Variants in ABLIM2 observed in about 807,000 individuals in gnomAD.
The protein encoded by ABLIM2 is actin-binding LIM protein 2.
ABLIM2 carries 53 observed loss-of-function variants against 97.7 expected under a neutral mutation model. The ratio of observed to expected loss-of-function variants is 0.54; its 90% CI spans 0.44 to 0.68. ABLIM2 has a LOEUF of 0.68. ABLIM2 is among the 30% of genes least tolerant of loss of function. The pLI is 0.00. For synonymous variants in ABLIM2, 361 were observed against 345.8 expected, an observed-to-expected ratio of 1.04 and a Z score of -0.49; for missense variants, 835 against 867.2, an observed-to-expected ratio of 0.96 and a Z score of 0.47.
At chr4:8,151,524 C>T (rs1712760686) in intron 1 of ABLIM2, among the ~76,000 whole-genome samples, 1 of 152,174 alleles carries the variant, frequency 6.6e-6, no homozygotes, top group Non-Finnish European at 1.5e-5. Flanking sequence ...GCGTGAGGCC[C>T]AAGTACTGCT....
chr4:7,997,174 C>T (rs1038780011), intron 16 of ABLIM2, among the ~76,000 whole-genome samples: 11 of 152,138 alleles, frequency 7.2e-5, no homozygotes, highest in African/African-American at 2.4e-4. Flanking sequence ...CAGGTTCAAG[C>T]GATTCTCCTG....
rs1753279413 is a variant in ABLIM2, at chr4:7,996,363, C to T, written c.1619-3436G>A. Among the ~76,000 whole-genome samples the T allele has an allele frequency of 1.3e-5, 2 of 152,230 alleles. No homozygotes were observed. Among genetic ancestry groups the T allele is most frequent in the African/African-American group, 4.8e-5 (2 of 41,466 alleles). Reference sequence around the variant, plus strand: ...CCCCTCTTAAGCCCGAAGGCCTCTACCTGCCTGCCCCTGGAGTCACCTGGA... The same window carrying T: ...CCCCTCTTAAGCCCGAAGGCCTCTATCTGCCTGCCCCTGGAGTCACCTGGA... On this transcript the variant is annotated intron_variant, in intron 16 of 20. Transcript: ENST00000447017. The surrounding 1 kb of genome is among the most constrained non-coding windows in gnomAD (Gnocchi z 4.5).
chr4:8,115,854 C>T (rs1030483701), intron 1 of ABLIM2, among the ~76,000 whole-genome samples: 1 of 152,248 alleles, frequency 6.6e-6, no homozygotes, highest in Non-Finnish European at 1.5e-5. Context: ...CAAGTACCCC[C>T]AGCTTCTGCC....
chr4:8,005,262 G>A lies in ABLIM2; in HGVS notation c.1618+2797C>T, dbSNP rs774038788. The stretch of plus-strand genomic sequence containing the variant: ...CTTCTCCAGGTCAGGGGCTGCTCTT[G>A]TCTTCTCTGTCCCCCTCGGCGCCCC... On this transcript the variant is annotated intron_variant, in intron 16 of 20. Transcript: ENST00000447017. This position sits in a 1 kb window ranked among gnomAD's most constrained non-coding sequence, Gnocchi z 4.9. 24 of 517,834 alleles carry A rather than the reference G, an allele frequency of 4.6e-5. No homozygotes were observed. The highest frequency in any genetic ancestry group is 8.8e-5 in the Non-Finnish European group (22 of 248,774). The allele number at this position is 517,834 out of a possible 1,614,324, so 32.1% of individuals were successfully genotyped here. A position where few individuals can be genotyped will look rare whatever the true frequency, so the allele number is the denominator to read the frequency against.
At position 8,112,381 on chromosome 4, in the gene ABLIM2, AG is replaced by A. The variant is rs1348602345; in HGVS notation, c.11-5745del. On this transcript the variant is annotated intron_variant, in intron 1 of 20. Coordinates refer to ENST00000447017, the MANE Select transcript of ABLIM2 (RefSeq NM_001130083.2). This position sits in a 1 kb window ranked among gnomAD's most constrained non-coding sequence, Gnocchi z 4.2. ...GCCTCAGTTTTCACATCTGTAAATCAGGGCTTGATCTTAGGAGGATGTTTTA... is the reference window on the plus strand; with the variant it reads ...GCCTCAGTTTTCACATCTGTAAATCAGGCTTGATCTTAGGAGGATGTTTTA... Among the ~76,000 whole-genome samples, 1 of 152,242 alleles carries A rather than the reference AG, an allele frequency of 6.6e-6. No homozygotes were observed. The highest frequency in any genetic ancestry group is 1.5e-5 in the Non-Finnish European group (1 of 68,044).
chr4:7,984,784 T>A, intron 18 of ABLIM2, 55 bp downstream of exon 18: 1 of 1,510,832 alleles, frequency 6.6e-7, no homozygotes, highest in Non-Finnish European at 8.9e-7. Context: ...TCTTGTGGAA[T>A]GTGTTAGCGA....
intron 20 of ABLIM2, among the ~76,000 whole-genome samples, chr4:7,967,436 T>G (rs1453658513): frequency 6.6e-6 from 1 of 152,186 alleles, no homozygotes; most frequent in Non-Finnish European, 1.5e-5. Flanking sequence ...TGCAAATGTC[T>G]GAGCTTTTAT....
chr4:8,024,393 G>A (rs530680617), intron 12 of ABLIM2, among the ~76,000 whole-genome samples: 2 of 152,134 alleles, frequency 1.3e-5, no homozygotes, highest in Non-Finnish European at 2.9e-5. Flanking sequence ...CGGGGGTGAG[G>A]CCCTGCCAGC....
rs139004857 is a variant in ABLIM2 at position 8,112,077 on chromosome 4, C to T, written c.11-5440G>A. Among the ~76,000 whole-genome samples, 1,110 of 152,332 alleles carry T rather than the reference C, an allele frequency of 7.3e-3. 32 individuals are homozygous for T. The highest frequency in any genetic ancestry group is 0.042 in the Admixed American group (644 of 15,302). On this transcript the variant is annotated intron_variant, in intron 1 of 20. Coordinates refer to ENST00000447017, the MANE Select transcript of ABLIM2 (RefSeq NM_001130083.2). The surrounding 1 kb of genome is among the most constrained non-coding windows in gnomAD (Gnocchi z 4.2). ...GAACATAAACTCAAGTGCTAAGAAT[C>T]TATCACACAGGGGCTGAGAGTATTT... is the stretch of plus-strand genomic sequence containing the variant.
At chr4:8,098,834 C>T (rs1417926286) in intron 2 of ABLIM2, among the ~76,000 whole-genome samples, 6 of 152,304 alleles carry the variant, frequency 3.9e-5, no homozygotes, top group Admixed American at 6.5e-5. Context: ...GGCTCAGTGT[C>T]GAGGCCCTGG....
chr4:8,157,946 A>G (rs1327136374), intron 1 of ABLIM2, among the ~76,000 whole-genome samples: 1 of 152,256 alleles, frequency 6.6e-6, no homozygotes. Context: ...GGCCGCCTCC[A>G]GGGCTCACCG....
Position 8,124,494 on chromosome 4 carries a change from C to T in ABLIM2, c.11-17857G>A, listed in dbSNP as rs915336571. ...GCCTGCTCTGGGCATTTCATGCGAA[C>T]GGAATCCCACACTGCGTGGTCCTTC... is the stretch of plus-strand genomic sequence containing the variant. On this transcript the variant is annotated intron_variant, in intron 1 of 20. Coordinates refer to ENST00000447017, the MANE Select transcript of ABLIM2 (RefSeq NM_001130083.2). The surrounding 1 kb of genome is among the most constrained non-coding windows in gnomAD (Gnocchi z 6.1). Among the ~76,000 whole-genome samples the T allele has an allele frequency of 4.6e-5, 7 of 152,098 alleles. No homozygotes were observed. The highest frequency in any genetic ancestry group is 8.8e-5 in the Non-Finnish European group (6 of 68,016).
rs1812120231 is a variant in ABLIM2, at chr4:8,071,590, G to C, written c.675+6038C>G. ...CTGGGATGCTCTGTGCTTGGGTCCT[G>C]CAGAGGGAAGCCAGGGGCACTGCCA... On this transcript the variant is annotated intron_variant, in intron 6 of 20. Transcript: ENST00000447017. This position sits in a 1 kb window ranked among gnomAD's most constrained non-coding sequence, Gnocchi z 6.2. Among the ~76,000 whole-genome samples the C allele has an allele frequency of 6.6e-6, 1 of 152,236 alleles. No individual in the cohort carries two copies. Among genetic ancestry groups the C allele is most frequent in the East Asian group, 1.9e-4 (1 of 5,168 alleles).
intron 2 of ABLIM2, among the ~76,000 whole-genome samples, chr4:8,100,395 G>A (rs1833913467): frequency 3.9e-5 from 6 of 152,172 alleles, no homozygotes; most frequent in Admixed American, 3.9e-4. Context: ...GAACCTCAGA[G>A]TCCTCATGTG....
intron 20 of ABLIM2, among the ~76,000 whole-genome samples, chr4:7,972,654 C>T (rs961188659): frequency 5.9e-5 from 9 of 152,200 alleles, no homozygotes; most frequent in South Asian, 2.1e-4. Flanking sequence ...TCTGCTGTGG[C>T]GCCACGGGGG....
At chr4:8,053,531 G>GA (rs1797286515) in intron 8 of ABLIM2, among the ~76,000 whole-genome samples, 1 of 152,166 alleles carries the variant, frequency 6.6e-6, no homozygotes, top group African/African-American at 2.4e-5. Context: ...GGGTCTTGGG[G>GA]ACTGTTTGGG....
At chr4:7,989,534 C>T in intron 17 of ABLIM2, 3 of 527,980 alleles carry the variant, frequency 5.7e-6, no homozygotes, top group Non-Finnish European at 7.3e-6. Context: ...TTAGTGTTCT[C>T]CTTTTATACT....
At chr4:8,060,849 T>G in intron 7 of ABLIM2, 118 bp downstream of exon 7, 1 of 861,552 alleles carries the variant, frequency 1.2e-6, no homozygotes, top group East Asian at 3.0e-5. Flanking sequence ...GTGGCTGGGC[T>G]GCTCGTGACC....
intron 17 of ABLIM2, among the ~76,000 whole-genome samples, chr4:7,991,415 CTG>C (rs778441138): frequency 1.3e-5 from 2 of 152,224 alleles, no homozygotes; most frequent in Admixed American, 6.5e-5. Flanking sequence ...ACTGTGAACA[CTG>C]TGCTCACCAG....
Sources: allele counts gnomAD v4.1 joint callset (sites outside exome capture counted in the v4.1 genomes callset), GRCh38; gene constraint gnomAD v4.1.1; non-coding constraint Gnocchi (gnomAD v3.1); transcripts MANE v1.5; gene names NCBI Gene and HGNC (gene_info 2026-07-23, HGNC 2026-07-21).